The following RP2 variants were observed in gnomAD, a reference collection of about 807,000 sequenced individuals.
The protein encoded by RP2 is RP2 activator of ARL3 GTPase, also known as protein XRP2.
RP2 carries 3 observed loss-of-function variants against 20.3 expected under a neutral mutation model. The observed-to-expected ratio is 0.15, with a 90% CI of 0.07 to 0.38. RP2 has a LOEUF of 0.38. RP2 is among the 10% of genes least tolerant of loss of function. The probability of loss-of-function intolerance (pLI) is 1.00; values close to 1 mark genes in which losing one functional copy is unlikely to be tolerated. For missense variants in RP2, 233 were observed against 268.5 expected (o/e 0.87, Z 0.92); for synonymous variants, 75 against 94.8 (o/e 0.79, Z 1.22).
chrX:46,854,193 C>T, intron 2 of RP2, 52 bp downstream of exon 2: 1 of 1,095,189 alleles, frequency 9.1e-7, no homozygotes, highest in Non-Finnish European at 1.3e-6. Flanking sequence ...AAAAATGTAC[C>T]ACTCTGGAGT....
intron 3 of RP2, among the ~76,000 whole-genome samples, chrX:46,869,756 T>G (rs1011366211): frequency 2.1e-4 from 22 of 105,412 alleles, no homozygotes; most frequent in African/African-American, 7.7e-4. Flanking sequence ...ATTACAGGCA[T>G]GTGCCACCAC....
chrX:46,854,613 T>C (rs1384671717), intron 2 of RP2, among the ~76,000 whole-genome samples: 1 of 110,903 alleles, frequency 9.0e-6, no homozygotes, highest in Non-Finnish European at 1.9e-5. Flanking sequence ...TGAAGATACA[T>C]AGACAAAATT....
In RP2 at chrX:46,860,637, A is replaced by T. The variant is rs1326612399; in HGVS notation, c.883+535A>T. Among the ~76,000 whole-genome samples the T allele has an allele frequency of 2.7e-5, 3 of 112,034 alleles. No individual in the cohort carries two copies. In the East Asian group the frequency reaches 8.3e-4, roughly 31 times the overall value. ...CTGGATATAGGTCTTCAAAGAGAGG[A>T]ACTTGAGTATGTGTGCCCACTTGAA... On this transcript the variant is annotated intron_variant, in intron 3 of 4. Coordinates refer to ENST00000218340, the MANE Select transcript of RP2 (RefSeq NM_006915.3).
At chrX:46,869,552 G>A (rs1324348679) in intron 3 of RP2, among the ~76,000 whole-genome samples, 1 of 103,942 alleles carries the variant, frequency 9.6e-6, no homozygotes, top group Non-Finnish European at 2.0e-5. Flanking sequence ...AAAGCGCTGG[G>A]ATTACAGGCG....
chrX:46,863,746 G>A (rs912386789), intron 3 of RP2, among the ~76,000 whole-genome samples: 1 of 111,661 alleles, frequency 9.0e-6, no homozygotes, highest in Non-Finnish European at 1.9e-5. Flanking sequence ...TGTCCCCAGG[G>A]GTGTGGGAGG....
chrX:46,847,794 G>GTGTGTACATACACACATGTGTA (rs1924774537), intron 1 of RP2, among the ~76,000 whole-genome samples: 1 of 96,118 alleles, frequency 1.0e-5, no homozygotes, highest in Non-Finnish European at 2.1e-5. Flanking sequence ...ACACATGTGT[G>GTGTGTACATACACACATGTGTA]TGTGTATATA....
intron 3 of RP2, among the ~76,000 whole-genome samples, chrX:46,866,962 C>T (rs60297355): frequency 1.8e-5 from 2 of 111,839 alleles, no homozygotes; most frequent in East Asian, 2.8e-4. Context: ...TCTCCTGTCC[C>T]TATGATTTTG....
At chrX:46,847,738 A>T (rs1924751757) in intron 1 of RP2, among the ~76,000 whole-genome samples, 1 of 94,265 alleles carries the variant, frequency 1.1e-5, no homozygotes, top group Non-Finnish European at 2.1e-5. Context: ...GTGTATATAC[A>T]CACATATGTG....
intron 1 of RP2, among the ~76,000 whole-genome samples, chrX:46,847,743 T>TATGTGTGTGTGTACATACACAC (rs1569531368): frequency 3.1e-4 from 27 of 87,115 alleles, no homozygotes; most frequent in Non-Finnish European, 3.1e-4. Context: ...TATACACACA[T>TATGTGTGTGTGTACATACACAC]ATGTGTGTGT....
chrX:46,874,820 A>G (rs1925346461), intron 3 of RP2, among the ~76,000 whole-genome samples: 1 of 109,577 alleles, frequency 9.1e-6, no homozygotes, highest in Non-Finnish European at 1.9e-5. Context: ...CACTTACTGT[A>G]TTTGGTTTTT....
chrX:46,858,172 T>C (rs1318069722), intron 2 of RP2, among the ~76,000 whole-genome samples: 1 of 112,141 alleles, frequency 8.9e-6, no homozygotes, highest in Non-Finnish European at 1.9e-5. Flanking sequence ...TGGAAAGTTA[T>C]AGATACTTAA....
At chrX:46,849,184 T>G (rs1924814638) in intron 1 of RP2, among the ~76,000 whole-genome samples, 1 of 110,309 alleles carries the variant, frequency 9.1e-6, no homozygotes, top group Admixed American at 9.7e-5. Context: ...TTTCAGTTGT[T>G]TATTATTACT....
intron 1 of RP2, among the ~76,000 whole-genome samples, chrX:46,847,611 C>T (rs1458566811): frequency 9.8e-6 from 1 of 102,183 alleles, no homozygotes; most frequent in Admixed American, 1.1e-4. Context: ...TTACTAGATG[C>T]ACAAATCAAT....
intron 4 of RP2, 128 bp downstream of exon 4, chrX:46,877,718 G>GTGTGTA (rs1925395380): frequency 7.3e-6 from 3 of 410,784 alleles, no homozygotes; most frequent in African/African-American, 2.5e-5. Flanking sequence ...GTGTGTGTGT[G>GTGTGTA]TGTGTGTGTG....
At position 46,879,881 on chromosome X, in the gene RP2, T is replaced by TA; in HGVS notation, c.*115dup. The TA allele has an allele frequency of 2.3e-6, 1 of 438,832 alleles. No individual in the cohort carries two copies. The highest frequency in any genetic ancestry group is 4.0e-6 in the Non-Finnish European group (1 of 253,142). 36.2% of individuals were successfully genotyped at this position (438,832 alleles called of 1,213,427 possible). A position where few individuals can be genotyped will look rare whatever the true frequency, so the allele number is the denominator to read the frequency against. On this transcript the variant is annotated 3_prime_UTR_variant, in exon 5 of 5. Transcript: ENST00000218340. ...TGGTTTTTACTAATGCTAAAACTTT[T>TA]AAAGTTTATTTTTTAATAAATTGTT... is the stretch of plus-strand genomic sequence containing the variant.
At chrX:46,878,917 A>G (rs2147089876) in intron 4 of RP2, among the ~76,000 whole-genome samples, 1 of 110,094 alleles carries the variant, frequency 9.1e-6, no homozygotes, top group Admixed American at 9.8e-5. Flanking sequence ...ATTGATGTTT[A>G]GCAGATAGTT....
chrX:46,840,838 G>T (rs184972981), intron 1 of RP2, among the ~76,000 whole-genome samples: 1 of 112,504 alleles, frequency 8.9e-6, no homozygotes, highest in East Asian at 2.8e-4. Flanking sequence ...TGGCTTAAGT[G>T]TGAAAATTGT....
chrX:46,875,525 CTTTTT>C (rs1341134654), intron 3 of RP2, among the ~76,000 whole-genome samples: 1 of 111,031 alleles, frequency 9.0e-6, no homozygotes, highest in Non-Finnish European at 1.9e-5. Context: ...TTTCTCTCTT[CTTTTT>C]TTATTTTCCT....
At chrX:46,858,252 G>T (rs1666887779) in intron 2 of RP2, among the ~76,000 whole-genome samples, 1 of 111,425 alleles carries the variant, frequency 9.0e-6, no homozygotes, top group Non-Finnish European at 1.9e-5. Flanking sequence ...TAGTTCTATG[G>T]ATTTAACAGT....
Sources: gnomAD v4.1 joint callset for allele counts (sites outside exome capture counted in the v4.1 genomes callset) on GRCh38, gnomAD v4.1.1 for gene constraint, MANE v1.5 for transcripts, NCBI Gene and HGNC (gene_info 2026-07-23, HGNC 2026-07-21) for gene names.